The following MYOF variants were observed in gnomAD, a reference collection of about 807,000 sequenced individuals.
The protein encoded by MYOF is myoferlin.
A neutral mutation model predicts 284.2 loss-of-function variants in MYOF; 244 were observed. The observed-to-expected ratio is 0.86, with a 90% CI of 0.77 to 0.95. The LOEUF is 0.95. Among genes scored for constraint, MYOF ranks in the 40% least tolerant of loss-of-function variants. The pLI is 0.00. For synonymous variants in MYOF, 904 were observed against 919.7 expected (o/e 0.98, Z 0.31); for missense variants, 2,496 against 2,560.6 (o/e 0.97, Z 0.54).
At chr10:93,442,669 C>T (rs183807491) in intron 3 of MYOF, among the ~76,000 whole-genome samples, 56 of 152,304 alleles carry the variant, frequency 3.7e-4, no homozygotes, top group Non-Finnish European at 2.1e-4. Context: ...GGTGGTTTTG[C>T]ATGCACAAGT....
At chr10:93,433,257 A>T (rs935676639) in intron 3 of MYOF, among the ~76,000 whole-genome samples, 3 of 152,212 alleles carry the variant, frequency 2.0e-5, no homozygotes, top group Non-Finnish European at 4.4e-5. Flanking sequence ...TCCCGGGTTT[A>T]AGCAATTCTC....
intron 3 of MYOF, among the ~76,000 whole-genome samples, chr10:93,450,385 C>T (rs1435533464): frequency 1.3e-5 from 2 of 152,062 alleles, no homozygotes; most frequent in East Asian, 3.8e-4. Context: ...GAGCAAGACT[C>T]CATCTCAAAA....
chr10:93,331,423 C>G (rs1328350856), intron 43 of MYOF, among the ~76,000 whole-genome samples: 1 of 152,186 alleles, frequency 6.6e-6, no homozygotes, highest in Admixed American at 6.5e-5. Context: ...TTCCAGGGTG[C>G]CTCCGAGCAA....
chr10:93,333,180 G>C (rs758901042), intron 43 of MYOF, 41 bp downstream of exon 43: 1 of 1,518,158 alleles, frequency 6.6e-7, no homozygotes, highest in Non-Finnish European at 9.2e-7. Context: ...ATGTTCCGTG[G>C]AGAAATGAAG....
intron 35 of MYOF, 99 bp from the exon 36 acceptor site, chr10:93,350,068 G>A: frequency 8.2e-7 from 1 of 1,215,856 alleles, no homozygotes; most frequent in Non-Finnish European, 1.1e-6. Flanking sequence ...AAGTCTTTAA[G>A]ATTAATTTGA....
At chr10:93,462,365 C>T (rs77117633) in intron 1 of MYOF, among the ~76,000 whole-genome samples, 7 of 152,212 alleles carry the variant, frequency 4.6e-5, no homozygotes, top group South Asian at 2.1e-4. Flanking sequence ...ACACCGTGCC[C>T]GGCCTGCTAA....
rs778953058 is a variant in MYOF, at chr10:93,325,799, G to A, written c.5271+27C>T. The A allele has an allele frequency of 8.4e-5, 135 of 1,598,788 alleles. 1 individual carries two copies. The Middle Eastern group carries it at 2.8e-3, about 34-fold the overall frequency. ...CATTGCATTTGGGGCAGGGATAATG[G>A]TCTTCAAGGGAGGGAAGGCCCTTTA... On this transcript the variant is annotated intron_variant, in intron 46 of 53. Transcript: ENST00000359263.
At chr10:93,441,548 C>CGGGCACCTG (rs2056253459) in intron 3 of MYOF, among the ~76,000 whole-genome samples, 1 of 148,794 alleles carries the variant, frequency 6.7e-6, no homozygotes, top group Non-Finnish European at 1.5e-5. Flanking sequence ...CCATGCCTGG[C>CGGGCACCTG]TAATTTTTGT....
intron 30 of MYOF, 122 bp downstream of exon 30, chr10:93,356,553 A>G (rs1844813279): frequency 9.3e-7 from 1 of 1,072,662 alleles, no homozygotes; most frequent in Admixed American, 2.5e-5. Flanking sequence ...CAACCTGTTA[A>G]TATTTGCCAT....
intron 41 of MYOF, among the ~76,000 whole-genome samples, chr10:93,334,538 G>T (rs1279686679): frequency 6.6e-6 from 1 of 152,140 alleles, no homozygotes; most frequent in Admixed American, 6.5e-5. Context: ...GGAGCATAAA[G>T]TCTTGTTCAT....
chr10:93,322,099 A>ATAAT (rs1470471872), intron 48 of MYOF, among the ~76,000 whole-genome samples: 6 of 152,236 alleles, frequency 3.9e-5, no homozygotes, highest in African/African-American at 2.4e-5. Flanking sequence ...AGATCCAAAA[A>ATAAT]TAATAATGAA....
In MYOF at chr10:93,329,685, C is replaced by A. The variant is rs1172546709; in HGVS notation, c.4961G>T (p.Gly1654Val). 1 of 1,614,120 alleles carries A rather than the reference C, an allele frequency of 6.2e-7. No homozygotes were observed. Among genetic ancestry groups the A allele is most frequent in the Admixed American group, 1.7e-5 (1 of 60,024 alleles). Residue 1654 changes from glycine to valine, a missense_variant, in exon 44 of 54, where the codon GGC (glycine) becomes GTC (valine). Physicochemically the swap from Gly to Val is moderately radical, Grantham distance 109. This residue lies in a region of MYOF where 2,436 missense variants were observed against 2,480.7 expected (regional missense o/e 0.98). Coordinates refer to ENST00000359263, the MANE Select transcript of MYOF (RefSeq NM_013451.4). ...RFLSRFGSHCGIPEEYCVSGV... is the reference protein window; with the variant it reads ...RFLSRFGSHCVIPEEYCVSGV... ...TTACACACAGTACTCCTCTGGTATG[C>A]CGCAGTGGGACCCAAAGCGGGAAAG...
At position 93,393,905 on chromosome 10, in the gene MYOF, A is replaced by T. The variant is rs1346899831; in HGVS notation, c.1418-950T>A. On this transcript the variant is annotated intron_variant, in intron 16 of 53. Coordinates refer to ENST00000359263, the MANE Select transcript of MYOF (RefSeq NM_013451.4). ...TAAATTTTAAAAATCAAAATACAAT[A>T]AATAGTGCTTACATTCTAGCAACCA... is the stretch of plus-strand genomic sequence containing the variant. 2.0e-5 allele frequency among the ~76,000 whole-genome samples: 3 copies of T among 152,352 alleles called. No individual in the cohort carries two copies. In the East Asian group the frequency reaches 5.8e-4, roughly 29 times the overall value.
At chr10:93,356,635 T>C (rs1399095781) in intron 30 of MYOF, 40 bp downstream of exon 30, 2 of 1,583,344 alleles carry the variant, frequency 1.3e-6, no homozygotes, top group East Asian at 4.5e-5. Flanking sequence ...ATATTTTCTC[T>C]ACACCAATAT....
chr10:93,462,209 A>G (rs2056900936), intron 1 of MYOF, among the ~76,000 whole-genome samples: 1 of 151,636 alleles, frequency 6.6e-6, no homozygotes, highest in South Asian at 2.1e-4. Flanking sequence ...AGCTAGGATT[A>G]CAGGTGTGTG....
intron 17 of MYOF, among the ~76,000 whole-genome samples, chr10:93,392,566 C>G (rs1589493107): frequency 6.6e-6 from 1 of 152,140 alleles, no homozygotes; most frequent in East Asian, 1.9e-4. Context: ...GGGAAAGTTA[C>G]TTGATACATT....
intron 1 of MYOF, among the ~76,000 whole-genome samples, chr10:93,467,067 T>C (rs1189601114): frequency 1.3e-5 from 2 of 152,078 alleles, no homozygotes. Flanking sequence ...AGGATCAGGG[T>C]TGTTAACTGA....
intron 1 of MYOF, among the ~76,000 whole-genome samples, chr10:93,464,334 ATC>A (rs1589610212): frequency 6.6e-6 from 1 of 152,010 alleles, no homozygotes. Context: ...GTTCCTTAAA[ATC>A]TCTCTTTCTG....
At position 93,408,788 on chromosome 10, in the gene MYOF, T is replaced by C. The variant is rs778898581; in HGVS notation, c.728A>G (p.Glu243Gly). ...AACATGCCCTCTCAACCCCTTTACC[T>C]CATCAAAAAAAGGGTTGTTTCCTCT... is the stretch of plus-strand genomic sequence containing the variant. Reference protein sequence around the residue: ...IKRGNNPFFDELFFYNVNMTP... With the variant: ...IKRGNNPFFDGLFFYNVNMTP... Residue 243 changes from glutamate (E) to glycine (G), a missense_variant and splice_region_variant, in exon 7 of 54, where the codon GAG becomes GGG. Glu to Gly is a moderately conservative substitution (Grantham distance 98). Transcript: ENST00000359263. The C allele has an allele frequency of 1.2e-6, 2 of 1,613,960 alleles. No individual in the cohort carries two copies. The highest frequency in any genetic ancestry group is 1.7e-6 in the Non-Finnish European group (2 of 1,179,962).
Sources: gnomAD v4.1 joint callset for allele counts (sites outside exome capture counted in the v4.1 genomes callset) on GRCh38, gnomAD v4.1.1 for gene constraint, gnomAD v4.1.1 regional missense constraint, MANE v1.5 for transcripts, NCBI Gene and HGNC (gene_info 2026-07-23, HGNC 2026-07-21) for gene names.